Variants in ARHGEF7 observed in about 807,000 individuals in gnomAD.
ARHGEF7 encodes the protein Rho guanine nucleotide exchange factor 7.
ARHGEF7 carries 33 observed loss-of-function variants against 109.8 expected under a neutral mutation model. The observed-to-expected ratio is 0.30, with a 90% CI of 0.23 to 0.40. The LOEUF (loss-of-function observed/expected upper bound fraction) is 0.40. Ranked by LOEUF, ARHGEF7 falls within the 10% of genes least tolerant of loss-of-function variation. The probability of loss-of-function intolerance (pLI) is 1.00; values close to 1 mark genes in which losing one functional copy is unlikely to be tolerated. For missense variants in ARHGEF7, 938 were observed against 1,098.5 expected (o/e 0.85, Z 2.07); for synonymous variants, 458 against 424.6 (o/e 1.08, Z -0.97).
intron 19 of ARHGEF7, among the ~76,000 whole-genome samples, chr13:111,295,985 C>T (rs1185197561): frequency 1.3e-5 from 2 of 152,246 alleles, no homozygotes; most frequent in Admixed American, 6.5e-5. Flanking sequence ...CACAAGCATG[C>T]ATGCACACCA....
intron 3 of ARHGEF7, 72 bp downstream of exon 3, chr13:111,205,445 T>A: frequency 9.1e-7 from 1 of 1,098,442 alleles, no homozygotes; most frequent in Non-Finnish European, 1.3e-6. Flanking sequence ...TTTCTTGTTT[T>A]ACCAAAGCCA....
chr13:111,221,056 T>A (rs2083783510), intron 5 of ARHGEF7, among the ~76,000 whole-genome samples: 2 of 147,012 alleles, frequency 1.4e-5, no homozygotes, highest in African/African-American at 5.0e-5. Flanking sequence ...TATATATATA[T>A]CTACATATAC....
At chr13:111,265,996 G>C (rs552769619) in intron 8 of ARHGEF7, among the ~76,000 whole-genome samples, 1 of 152,322 alleles carries the variant, frequency 6.6e-6, no homozygotes, top group African/African-American at 2.4e-5. Context: ...GTGTCCCCAT[G>C]AGTTGTAGGC....
intron 8 of ARHGEF7, among the ~76,000 whole-genome samples, chr13:111,249,338 G>A (rs1044082087): frequency 3.3e-5 from 5 of 152,154 alleles, no homozygotes; most frequent in African/African-American, 1.2e-4. Flanking sequence ...GGTCTCAATC[G>A]ATAGAGGTTT....
At chr13:111,267,792 C>T in intron 9 of ARHGEF7, 122 bp downstream of exon 9, 2 of 1,241,312 alleles carry the variant, frequency 1.6e-6, no homozygotes, top group Non-Finnish European at 2.2e-6. Flanking sequence ...TTTTAATTAC[C>T]CCTCAAAATT....
At chr13:111,224,700 C>T (rs2084948890) in intron 5 of ARHGEF7, among the ~76,000 whole-genome samples, 1 of 152,176 alleles carries the variant, frequency 6.6e-6, no homozygotes, top group African/African-American at 2.4e-5. Flanking sequence ...TAAAGCAACA[C>T]GCAGCTGAAT....
chr13:111,295,361 C>T (rs1037899141), intron 19 of ARHGEF7, among the ~76,000 whole-genome samples: 9 of 152,150 alleles, frequency 5.9e-5, no homozygotes, highest in African/African-American at 1.9e-4. Context: ...TTAGATTAGC[C>T]GTGTTCTGGA....
chr13:111,252,626 T>G (rs905302225), intron 8 of ARHGEF7, among the ~76,000 whole-genome samples: 3 of 152,268 alleles, frequency 2.0e-5, no homozygotes, highest in African/African-American at 7.2e-5. Flanking sequence ...TGCCTTACTA[T>G]AAATATGTAC....
chr13:111,288,997 T>C (rs73622175), intron 18 of ARHGEF7, among the ~76,000 whole-genome samples: 3,468 of 152,260 alleles, frequency 0.023, 119 homozygotes, highest in African/African-American at 0.079. Flanking sequence ...TGATGTACAG[T>C]GTCTTAAATG....
chr13:111,285,202 G>A (rs1241267184), intron 16 of ARHGEF7, among the ~76,000 whole-genome samples: 1 of 152,038 alleles, frequency 6.6e-6, no homozygotes, highest in Non-Finnish European at 1.5e-5. Context: ...CCCAGGGTCT[G>A]TCATTTCCAT....
At chr13:111,126,489 CAA>C (rs1002145808) in intron 1 of ARHGEF7, among the ~76,000 whole-genome samples, 27 of 81,092 alleles carry the variant, frequency 3.3e-4, no homozygotes, top group African/African-American at 4.1e-4. Context: ...GACTCCATCT[CAA>C]AAAAAAAAAA....
intron 19 of ARHGEF7, among the ~76,000 whole-genome samples, chr13:111,299,912 G>A (rs1248737796): frequency 6.6e-6 from 1 of 152,134 alleles, no homozygotes; most frequent in Non-Finnish European, 1.5e-5. Flanking sequence ...ATAGATTATA[G>A]CCTTCTGATT....
intron 19 of ARHGEF7, chr13:111,293,718 T>G: frequency 1.0e-6 from 1 of 985,410 alleles, no homozygotes; most frequent in South Asian, 4.7e-5. Flanking sequence ...GAGAATAACA[T>G]TTTTTCCTTC....
chr13:111,221,523 CTATA>C (rs199606128), intron 5 of ARHGEF7, among the ~76,000 whole-genome samples: 1 of 32,296 alleles, frequency 3.1e-5, no homozygotes, highest in Non-Finnish European at 5.5e-5. Context: ...AGATATATAT[CTATA>C]TATATCTATA....
chr13:111,234,322 C>T (rs2086497466), intron 6 of ARHGEF7, among the ~76,000 whole-genome samples: 1 of 152,212 alleles, frequency 6.6e-6, no homozygotes, highest in Admixed American at 6.5e-5. Flanking sequence ...TGCTGCGGGG[C>T]TTGCACTCTC....
At chr13:111,114,819 C>T (rs1484812991), upstream of ARHGEF7, 1 of 152,244 alleles carries the variant, frequency 6.6e-6, no homozygotes, top group Non-Finnish European at 1.5e-5. Flanking sequence ...GATTCAGACC[C>T]ATATGGCTTC....
chr13:111,250,753 T>C (rs971467796), intron 8 of ARHGEF7, among the ~76,000 whole-genome samples: 1 of 152,214 alleles, frequency 6.6e-6, no homozygotes, highest in Non-Finnish European at 1.5e-5. Flanking sequence ...CCTTCAGGTT[T>C]GATAATTTGC....
chr13:111,270,873 T>TCACTC (rs2092085630), intron 9 of ARHGEF7, among the ~76,000 whole-genome samples: 1 of 152,212 alleles, frequency 6.6e-6, no homozygotes, highest in Non-Finnish European at 1.5e-5. Flanking sequence ...AGCCCTCATG[T>TCACTC]CACTCTATTC....
At chr13:111,115,898 C>CGGGGGGAGGGGGCCGGGGAGG (rs1566577624) in intron 1 of ARHGEF7, among the ~76,000 whole-genome samples, 1 of 147,796 alleles carries the variant, frequency 6.8e-6, no homozygotes, top group Non-Finnish European at 1.5e-5. Context: ...GGCCGGGGAG[C>CGGGGGGAGGGGGCCGGGGAGG]GGGGTCGGGG....
Sources: gnomAD v4.1 joint callset for allele counts (sites outside exome capture counted in the v4.1 genomes callset) on GRCh38, gnomAD v4.1.1 for gene constraint, MANE v1.5 for transcripts, NCBI Gene and HGNC (gene_info 2026-07-23, HGNC 2026-07-21) for gene names.